The following LYPLAL1 variants were observed in gnomAD, a reference collection of about 807,000 sequenced individuals.
The protein encoded by LYPLAL1 is lysophospholipase-like protein 1.
Under a neutral mutation model 19.7 loss-of-function variants are expected in LYPLAL1, and 23 were observed. The ratio of observed to expected loss-of-function variants is 1.17; its 90% CI spans 0.84 to 1.65. The LOEUF is 1.65. Ranked by LOEUF, LYPLAL1 falls within the 40% of genes most tolerant of loss-of-function variation. The probability of loss-of-function intolerance (pLI) is 0.00; values close to 1 mark genes in which losing one functional copy is unlikely to be tolerated. For missense variants in LYPLAL1, 355 were observed against 279.4 expected (o/e 1.27, Z -1.93); for synonymous variants, 119 against 96.3 (o/e 1.24, Z -1.38).
the LYPLAL1 span, among the ~76,000 whole-genome samples, chr1:219,244,928 C>A: frequency 2.2e-3 from 225 of 101,688 alleles, no homozygotes; most frequent in Middle Eastern, 9.9e-3. Context: ...AAAAAAAAAA[C>A]AAAAAACACT....
At chr1:219,408,158 A>G in the LYPLAL1 span, among the ~76,000 whole-genome samples, 1 of 152,182 alleles carries the variant, frequency 6.6e-6, no homozygotes, top group Non-Finnish European at 1.5e-5. Flanking sequence ...CTCTCCCAAT[A>G]ACCACTCTTA....
chr1:219,208,496 A>G (rs1413831972), intron 3 of LYPLAL1, among the ~76,000 whole-genome samples: 2 of 152,048 alleles, frequency 1.3e-5, no homozygotes, highest in East Asian at 1.9e-4. Flanking sequence ...TTAGAAACCC[A>G]TACGGTTTCT....
chr1:219,175,049 G>A (rs887227515), intron 1 of LYPLAL1: 1 of 985,324 alleles, frequency 1.0e-6, no homozygotes, highest in East Asian at 1.1e-4. Context: ...GTGATTGGAA[G>A]GGAATTGGAA....
At chr1:219,348,763 A>G in the LYPLAL1 span, among the ~76,000 whole-genome samples, 3 of 152,276 alleles carry the variant, frequency 2.0e-5, no homozygotes, top group Non-Finnish European at 2.9e-5. Flanking sequence ...CCATATTTAC[A>G]TATTTTTTCA....
At chr1:219,347,747 G>A in the LYPLAL1 span, among the ~76,000 whole-genome samples, 2 of 151,990 alleles carry the variant, frequency 1.3e-5, no homozygotes, top group Non-Finnish European at 1.5e-5. Flanking sequence ...AAGAAATAAT[G>A]AATTCAACTT....
the LYPLAL1 span, among the ~76,000 whole-genome samples, chr1:219,233,970 G>A: frequency 2.0e-4 from 31 of 152,164 alleles, no homozygotes; most frequent in Non-Finnish European, 4.3e-4. Context: ...TAATGTGTAT[G>A]GGTGATGGGG....
chr1:219,298,378 G>A, the LYPLAL1 span, among the ~76,000 whole-genome samples: 1 of 152,156 alleles, frequency 6.6e-6, no homozygotes, highest in African/African-American at 2.4e-5. Context: ...CATTAAGCAT[G>A]GAACCTCACA....
At chr1:219,229,335 G>GAGAGAGAGAGAC in the LYPLAL1 span, among the ~76,000 whole-genome samples, 2 of 107,618 alleles carry the variant, frequency 1.9e-5, no homozygotes. Flanking sequence ...GAGAGAGAGA[G>GAGAGAGAGAGAC]AGACACGCAG....
chr1:219,306,319 A>C, the LYPLAL1 span, among the ~76,000 whole-genome samples: 2,473 of 152,248 alleles, frequency 0.016, 67 homozygotes, highest in African/African-American at 0.055. Context: ...TTTTGTGTCA[A>C]TATGACTGAG....
At chr1:219,347,529 C>T in the LYPLAL1 span, among the ~76,000 whole-genome samples, 1 of 152,180 alleles carries the variant, frequency 6.6e-6, no homozygotes, top group Non-Finnish European at 1.5e-5. Flanking sequence ...CTTTGTTACT[C>T]ATCAGAACTA....
At chr1:219,394,631 C>A in the LYPLAL1 span, among the ~76,000 whole-genome samples, 2 of 152,084 alleles carry the variant, frequency 1.3e-5, no homozygotes, top group African/African-American at 2.4e-5. Flanking sequence ...ATGTTTCTTT[C>A]TTTTAGCTTT....
the LYPLAL1 span, among the ~76,000 whole-genome samples, chr1:219,370,162 T>C: frequency 3.3e-5 from 5 of 152,144 alleles, no homozygotes; most frequent in Admixed American, 3.3e-4. Context: ...TTGTAAAAAA[T>C]ACCCTGGGGT....
the LYPLAL1 span, among the ~76,000 whole-genome samples, chr1:219,419,588 C>CAGAG: frequency 4.7e-4 from 36 of 75,880 alleles, no homozygotes; most frequent in African/African-American, 1.4e-3. Context: ...CACACACACA[C>CAGAG]ACACACAGAG....
the LYPLAL1 span, among the ~76,000 whole-genome samples, chr1:219,332,347 A>G: frequency 6.6e-6 from 1 of 152,162 alleles, no homozygotes; most frequent in Non-Finnish European, 1.5e-5. Flanking sequence ...AAACCATCCC[A>G]GGTGAGTTGC....
chr1:219,184,818 T>A (rs1656592080), intron 2 of LYPLAL1, among the ~76,000 whole-genome samples: 1 of 151,926 alleles, frequency 6.6e-6, no homozygotes, highest in Non-Finnish European at 1.5e-5. Flanking sequence ...TATATGTATC[T>A]AAATTTGTTT....
the LYPLAL1 span, among the ~76,000 whole-genome samples, chr1:219,255,695 T>C: frequency 1.2e-4 from 18 of 151,968 alleles, no homozygotes; most frequent in African/African-American, 4.3e-4. Context: ...CGAAATCTTT[T>C]AATAAATCAC....
At chr1:219,432,733 C>T in the LYPLAL1 span, among the ~76,000 whole-genome samples, 2 of 152,146 alleles carry the variant, frequency 1.3e-5, no homozygotes, top group African/African-American at 2.4e-5. Context: ...AGGGAGTCCA[C>T]GTTCATAGTA....
the LYPLAL1 span, among the ~76,000 whole-genome samples, chr1:219,323,615 A>G: frequency 6.6e-6 from 1 of 152,154 alleles, no homozygotes; most frequent in East Asian, 1.9e-4. Context: ...TGAAACATGT[A>G]CCAAAGTGAC....
At chr1:219,444,211 C>T in the LYPLAL1 span, among the ~76,000 whole-genome samples, 1 of 152,200 alleles carries the variant, frequency 6.6e-6, no homozygotes. Context: ...GAATTTAAAA[C>T]TGCATTTGCA....
Sources: gnomAD v4.1 joint callset for allele counts (sites outside exome capture counted in the v4.1 genomes callset) on GRCh38, gnomAD v4.1.1 for gene constraint, MANE v1.5 for transcripts, NCBI Gene and HGNC (gene_info 2026-07-23, HGNC 2026-07-21) for gene names.